BAALC: variants seen among roughly 807,000 people sequenced by gnomAD.
The protein encoded by BAALC is brain and acute leukemia cytoplasmic protein.
BAALC carries 9 observed loss-of-function variants against 15.5 expected under a neutral mutation model. The observed-to-expected ratio is 0.58, with a 90% CI of 0.35 to 1.02. The LOEUF is 1.02. Ranked by LOEUF, BAALC falls within the 50% of genes least tolerant of loss-of-function variation. The pLI, the probability that BAALC is intolerant of heterozygous loss-of-function variation, is 0.02. For synonymous variants in BAALC, 80 were observed against 74.6 expected (o/e 1.07, Z -0.37); for missense variants, 201 against 192.4 (o/e 1.04, Z -0.27).
chr8:103,219,839 A>T (rs7829782), intron 2 of BAALC, among the ~76,000 whole-genome samples: 29 of 152,146 alleles, frequency 1.9e-4, no homozygotes, highest in African/African-American at 5.5e-4. Flanking sequence ...TCTGAAAAGA[A>T]GTCAAACATC....
chr8:103,145,752 C>A (rs1810865057), intron 1 of BAALC, among the ~76,000 whole-genome samples: 1 of 152,198 alleles, frequency 6.6e-6, no homozygotes, highest in Non-Finnish European at 1.5e-5. Context: ...ATGTACCCAG[C>A]ACCTGGTACA....
chr8:103,176,520 A>G (rs989212670), intron 1 of BAALC, among the ~76,000 whole-genome samples: 1 of 152,152 alleles, frequency 6.6e-6, no homozygotes, highest in African/African-American at 2.4e-5. Flanking sequence ...CCCTTCCTGA[A>G]GAAGGGACAG....
chr8:103,148,492 A>G (rs144359381), intron 1 of BAALC, among the ~76,000 whole-genome samples: 57 of 152,358 alleles, frequency 3.7e-4, no homozygotes, highest in African/African-American at 1.3e-3. Flanking sequence ...AGAATGGGGT[A>G]TCCATCACCT....
intron 1 of BAALC, among the ~76,000 whole-genome samples, chr8:103,164,494 C>T (rs566498665): frequency 6.6e-6 from 1 of 152,294 alleles, no homozygotes; most frequent in African/African-American, 2.4e-5. Context: ...TGGATGTGAT[C>T]GTGTCACTCT....
intron 1 of BAALC, among the ~76,000 whole-genome samples, chr8:103,189,507 G>C (rs531835166): frequency 2.0e-5 from 3 of 151,266 alleles, no homozygotes; most frequent in Non-Finnish European, 2.9e-5. Flanking sequence ...CAGCCCAGCT[G>C]GGGGGAGAAA....
chr8:103,155,797 G>T (rs956256337), intron 1 of BAALC, among the ~76,000 whole-genome samples: 5 of 152,350 alleles, frequency 3.3e-5, no homozygotes, highest in South Asian at 2.1e-4. Flanking sequence ...AAAACCTGCA[G>T]TGTCTCCATG....
intron 2 of BAALC, among the ~76,000 whole-genome samples, chr8:103,225,866 G>A (rs925428743): frequency 2.6e-5 from 4 of 152,180 alleles, no homozygotes; most frequent in African/African-American, 9.7e-5. Context: ...GATCTAGAGA[G>A]GGGTGTCGCC....
At chr8:103,162,722 A>G (rs1399258015) in intron 1 of BAALC, among the ~76,000 whole-genome samples, 1 of 150,014 alleles carries the variant, frequency 6.7e-6, no homozygotes, top group Admixed American at 6.7e-5. Context: ...TTCTTAATGG[A>G]GGAATGGCAA....
chr8:103,211,577 C>T (rs1812447119), intron 1 of BAALC, among the ~76,000 whole-genome samples: 2 of 152,110 alleles, frequency 1.3e-5, no homozygotes, highest in Non-Finnish European at 2.9e-5. Context: ...TTAGTTGTCT[C>T]TTTTTTGTGG....
intron 1 of BAALC, among the ~76,000 whole-genome samples, chr8:103,196,482 T>C (rs1812101758): frequency 6.6e-6 from 1 of 152,130 alleles, no homozygotes; most frequent in African/African-American, 2.4e-5. Context: ...GTTTTTGCCA[T>C]GTTGCCCACA....
At position 103,151,840 on chromosome 8, in the gene BAALC, G is replaced by T. The variant is rs529243957; in HGVS notation, c.160+10783G>T. Reference sequence around the variant, plus strand: ...AGCATACATCCTTCTTGCCATCTGAGCATTTCTAAACATCTTTAGCGATCC... The same window carrying T: ...AGCATACATCCTTCTTGCCATCTGATCATTTCTAAACATCTTTAGCGATCC... On this transcript the variant is annotated intron_variant, in intron 1 of 2. Coordinates refer to ENST00000309982, the MANE Select transcript of BAALC (RefSeq NM_024812.3). 5.3e-5 allele frequency among the ~76,000 whole-genome samples: 8 copies of T among 151,978 alleles called. No individual in the cohort carries two copies. In the East Asian group the frequency reaches 1.5e-3, roughly 29 times the overall value.
chr8:103,194,450 C>T (rs1812045038), intron 1 of BAALC, among the ~76,000 whole-genome samples: 2 of 152,178 alleles, frequency 1.3e-5, no homozygotes, highest in Non-Finnish European at 2.9e-5. Context: ...TAGAAGCAAA[C>T]CGTGAGGTCA....
At position 103,193,728 on chromosome 8, in the gene BAALC, G is replaced by A. The variant is rs141833898; in HGVS notation, c.161-19191G>A. Among the ~76,000 whole-genome samples, 4 of 152,288 alleles carry A rather than the reference G, an allele frequency of 2.6e-5. No homozygotes were observed. The East Asian group carries it at 5.8e-4, about 22-fold the overall frequency. On this transcript the variant is annotated intron_variant, in intron 1 of 2. Transcript: ENST00000309982. ...TGAGAATAACAATGCCCACTTACAGGAGTAAATATGGCACATGGTCAATAT... is the reference window on the plus strand; with the variant it reads ...TGAGAATAACAATGCCCACTTACAGAAGTAAATATGGCACATGGTCAATAT...
intron 1 of BAALC, among the ~76,000 whole-genome samples, chr8:103,203,634 T>C (rs899619257): frequency 1.3e-5 from 2 of 152,202 alleles, no homozygotes; most frequent in Non-Finnish European, 2.9e-5. Context: ...TTTCTATCTA[T>C]AGAATTGCCT....
chr8:103,227,759 T>A (rs1812838635), intron 2 of BAALC, among the ~76,000 whole-genome samples: 1 of 151,836 alleles, frequency 6.6e-6, no homozygotes, highest in Non-Finnish European at 1.5e-5. Flanking sequence ...TCCCTTTTCC[T>A]TTCCTCTTTC....
chr8:103,201,621 G>A (rs531452698), intron 1 of BAALC, among the ~76,000 whole-genome samples: 2 of 152,326 alleles, frequency 1.3e-5, no homozygotes, highest in East Asian at 3.9e-4. Flanking sequence ...TGAGAATTCA[G>A]TCTTTGTCAT....
At chr8:103,173,258 C>T (rs1811538845) in intron 1 of BAALC, among the ~76,000 whole-genome samples, 1 of 152,234 alleles carries the variant, frequency 6.6e-6, no homozygotes, top group Admixed American at 6.5e-5. Flanking sequence ...CTGTTTCCAT[C>T]ACAGGGCTCC....
chr8:103,156,395 A>C (rs1422503089), intron 1 of BAALC, among the ~76,000 whole-genome samples: 4 of 152,194 alleles, frequency 2.6e-5, no homozygotes, highest in Non-Finnish European at 4.4e-5. Flanking sequence ...GTTGGGTGGG[A>C]TTCAGGAAGA....
intron 1 of BAALC, among the ~76,000 whole-genome samples, chr8:103,204,228 A>T (rs1259711904): frequency 6.6e-6 from 1 of 152,092 alleles, no homozygotes; most frequent in East Asian, 1.9e-4. Context: ...ATCTTCTATA[A>T]AGAAATGTCT....
Sources: allele counts gnomAD v4.1 joint callset (sites outside exome capture counted in the v4.1 genomes callset), GRCh38; gene constraint gnomAD v4.1.1; transcripts MANE v1.5; gene names NCBI Gene and HGNC (gene_info 2026-07-23, HGNC 2026-07-21).